The following MEIS1 variants were observed in gnomAD, a reference collection of about 807,000 sequenced individuals.
MEIS1 encodes homeobox protein Meis1.
In MEIS1, 5 loss-of-function variants were observed where a neutral mutation model predicts 50.8. The observed-to-expected ratio is 0.10, with a 90% CI of 0.05 to 0.21. MEIS1 has a LOEUF of 0.21. Ranked by LOEUF, MEIS1 falls within the 10% of genes least tolerant of loss-of-function variation. MEIS1 has a pLI of 1.00. For missense variants in MEIS1, 318 were observed against 517.3 expected (o/e 0.61, Z 3.74); for synonymous variants, 176 against 179.3 (o/e 0.98, Z 0.15).
intron 7 of MEIS1, among the ~76,000 whole-genome samples, chr2:66,473,566 G>A (rs905221366): frequency 1.8e-4 from 28 of 151,754 alleles, no homozygotes; most frequent in African/African-American, 6.0e-4. Flanking sequence ...TATGATTTCC[G>A]TTGGGAACAA....
At chr2:66,527,667 G>A (rs993758756) in intron 8 of MEIS1, among the ~76,000 whole-genome samples, 1 of 149,734 alleles carries the variant, frequency 6.7e-6, no homozygotes, top group Non-Finnish European at 1.5e-5. Flanking sequence ...GATCATGCTG[G>A]CATTAGGGCC....
At chr2:66,456,808 G>T (rs563275910) in intron 6 of MEIS1, among the ~76,000 whole-genome samples, 220 of 152,306 alleles carry the variant, frequency 1.4e-3, no homozygotes, top group Non-Finnish European at 2.5e-3. Context: ...ATGAGTGTGG[G>T]CCTCCATCAG....
chr2:66,496,850 C>T (rs1347859487), intron 7 of MEIS1, among the ~76,000 whole-genome samples: 2 of 152,070 alleles, frequency 1.3e-5, no homozygotes, highest in African/African-American at 4.8e-5. Flanking sequence ...CTATTTTTGA[C>T]TTTACAAAGC....
chr2:66,489,519 A>G (rs1673224342), intron 7 of MEIS1, among the ~76,000 whole-genome samples: 3 of 152,212 alleles, frequency 2.0e-5, no homozygotes, highest in South Asian at 4.1e-4. Context: ...TAAAACTTCA[A>G]TCAACTTGCT....
intron 8 of MEIS1, among the ~76,000 whole-genome samples, chr2:66,527,550 G>GAGA (rs1409566690): frequency 6.6e-6 from 1 of 151,344 alleles, no homozygotes; most frequent in East Asian, 1.9e-4. Context: ...GCTGTCCCTA[G>GAGA]AGATCTCTGT....
intron 8 of MEIS1, among the ~76,000 whole-genome samples, chr2:66,539,191 G>C (rs1276422407): frequency 6.6e-6 from 1 of 152,052 alleles, no homozygotes; most frequent in African/African-American, 2.4e-5. Flanking sequence ...CTGGCCAAAA[G>C]TGCTCTTGTA....
At chr2:66,453,062 A>C (rs1211328837) in intron 6 of MEIS1, among the ~76,000 whole-genome samples, 2 of 151,886 alleles carry the variant, frequency 1.3e-5, no homozygotes, top group African/African-American at 4.8e-5. Context: ...TTATTTTCCA[A>C]ATTACCCTGC....
In MEIS1 at chr2:66,535,476, C is replaced by T. The variant is rs189894373; in HGVS notation, c.889-12467C>T. On this transcript the variant is annotated intron_variant, in intron 8 of 12. Coordinates refer to ENST00000272369, the MANE Select transcript of MEIS1 (RefSeq NM_002398.3). Reference sequence around the variant, plus strand: ...TTGTTGGTGACAGGTCGAGCCTTCTCCCACTCATCTAAGATATTCCATGAA... The same window carrying T: ...TTGTTGGTGACAGGTCGAGCCTTCTTCCACTCATCTAAGATATTCCATGAA... 3.4e-3 allele frequency among the ~76,000 whole-genome samples: 521 copies of T among 152,294 alleles called. 5 individuals carry two copies. Among genetic ancestry groups the T allele is most frequent in the Admixed American group, 4.2e-3 (65 of 15,306 alleles).
chr2:66,445,374 C>T (rs529424402), intron 6 of MEIS1: 1 of 152,466 alleles, frequency 6.6e-6, no homozygotes, highest in Non-Finnish European at 1.5e-5. Flanking sequence ...CTCCACTGCC[C>T]TGGGGAGCTG....
At chr2:66,511,749 A>G (rs1278742733) in intron 7 of MEIS1, among the ~76,000 whole-genome samples, 8 of 152,220 alleles carry the variant, frequency 5.3e-5, no homozygotes, top group Admixed American at 5.2e-4. Flanking sequence ...GTCAATGTCA[A>G]TGACTGTGGG....
intron 3 of MEIS1, 84 bp downstream of exon 3, chr2:66,440,068 A>C (rs868666852): frequency 1.4e-5 from 11 of 777,636 alleles, no homozygotes; most frequent in African/African-American, 1.9e-5. Flanking sequence ...CGCGCGCGCG[A>C]ACACACACAC....
chr2:66,461,574 G>A (rs980762287), intron 6 of MEIS1, among the ~76,000 whole-genome samples: 21 of 152,184 alleles, frequency 1.4e-4, no homozygotes, highest in African/African-American at 5.1e-4. Flanking sequence ...GCCTTCTGGA[G>A]GAGCAAGGCT....
At chr2:66,454,710 A>G (rs1672349552) in intron 6 of MEIS1, 1 of 152,102 alleles carries the variant, frequency 6.6e-6, no homozygotes, top group African/African-American at 2.4e-5. Flanking sequence ...TGTTTGCAGA[A>G]CAAGGAGCAC....
chr2:66,566,407 G>A (rs534633603), intron 9 of MEIS1, among the ~76,000 whole-genome samples: 1 of 152,176 alleles, frequency 6.6e-6, no homozygotes, highest in African/African-American at 2.4e-5. Flanking sequence ...CATTAATAGA[G>A]CCTTATTAAA....
chr2:66,516,784 G>C (rs1673982304), intron 8 of MEIS1, among the ~76,000 whole-genome samples: 1 of 152,134 alleles, frequency 6.6e-6, no homozygotes, highest in Non-Finnish European at 1.5e-5. Context: ...GAATTGAATT[G>C]GGAATTGAAT....
Position 66,573,308 on chromosome 2 carries a change from A to C in MEIS1, c.*2100A>C, listed in dbSNP as rs549684528. The C allele has an allele frequency of 6.6e-6, 1 of 152,354 alleles. No homozygotes were observed. Among genetic ancestry groups the C allele is most frequent in the African/African-American group, 2.4e-5 (1 of 41,592 alleles). The allele number at this position is 152,354 out of a possible 1,614,324, so 9.4% of individuals were successfully genotyped here. On this transcript the variant is annotated 3_prime_UTR_variant, in exon 13 of 13. Coordinates refer to ENST00000272369, the MANE Select transcript of MEIS1 (RefSeq NM_002398.3). ...CTGGAATAGCTTATAATTTTATTTA[A>C]ATAAAATTGCTGCTATAAAAAGTGC...
chr2:66,490,484 A>T (rs1471653815), intron 7 of MEIS1, among the ~76,000 whole-genome samples: 1 of 152,170 alleles, frequency 6.6e-6, no homozygotes, highest in Admixed American at 6.5e-5. Flanking sequence ...CTTTTTAAAA[A>T]GTTCTAGTTA....
At position 66,437,847 on chromosome 2, in the gene MEIS1, C is replaced by T. The variant is rs922651749; in HGVS notation, c.123C>T (p.His41=). ...TGCAGCCGGTCCACCACCTGAACCA[C>T]GGGCCTCCTCTGCACTCGCATCAGT... ...RSMQPVHHLN[H]GPPLHSHQYP... The change falls in exon 2 of 13, where the codon CAC becomes CAT. Residue 41 remains histidine, a synonymous_variant. Coordinates refer to ENST00000272369, the MANE Select transcript of MEIS1 (RefSeq NM_002398.3). 9.3e-6 allele frequency: 15 copies of T among 1,613,708 alleles called. No individual in the cohort carries two copies. The highest frequency in any genetic ancestry group is 1.1e-5 in the Non-Finnish European group (13 of 1,179,846).
intron 9 of MEIS1, among the ~76,000 whole-genome samples, chr2:66,553,484 T>C (rs904475088): frequency 1.3e-5 from 2 of 152,222 alleles, no homozygotes; most frequent in African/African-American, 4.8e-5. Flanking sequence ...AAATACTGTC[T>C]AGTTGCTCAT....
Sources: gnomAD v4.1 joint callset for allele counts (sites outside exome capture counted in the v4.1 genomes callset) on GRCh38, gnomAD v4.1.1 for gene constraint, MANE v1.5 for transcripts, NCBI Gene and HGNC (gene_info 2026-07-23, HGNC 2026-07-21) for gene names.